CYP4A11: variants seen among roughly 807,000 people sequenced by gnomAD.
The protein encoded by CYP4A11 is cytochrome P450 4A11.
Under a neutral mutation model 57.7 loss-of-function variants are expected in CYP4A11, and 52 were observed. That is an observed-to-expected ratio of 0.90 (90% confidence interval 0.72 to 1.14). The LOEUF is 1.14. Ranked by LOEUF, CYP4A11 falls within the 50% of genes most tolerant of loss-of-function variation. The pLI is 0.00. For missense variants in CYP4A11, 641 were observed against 642.1 expected (o/e 1.00, Z 0.02); for synonymous variants, 228 against 247.1 (o/e 0.92, Z 0.72).
chr1:46,935,244 A>G, intron 5 of CYP4A11, 90 bp from the exon 6 acceptor site: 1 of 1,462,484 alleles, frequency 6.8e-7, no homozygotes, highest in Non-Finnish European at 9.3e-7. Flanking sequence ...GCCTCGGATA[A>G]TGGGGACAAG....
At chr1:46,933,781 G>T in intron 9 of CYP4A11, 165 bp downstream of exon 9, 2 of 1,244,632 alleles carry the variant, frequency 1.6e-6, no homozygotes, top group Non-Finnish European at 2.2e-6. Context: ...CAAGCTCTCA[G>T]CCAGACTTTT....
intron 1 of CYP4A11, chr1:46,940,901 A>C (rs1331573283): frequency 1.0e-6 from 1 of 985,276 alleles, no homozygotes; most frequent in Non-Finnish European, 1.2e-6. Context: ...GGCAGAGAGC[A>C]TCTAGAAGCC....
chr1:46,937,915 T>C, intron 2 of CYP4A11, 81 bp downstream of exon 2: 1 of 1,580,210 alleles, frequency 6.3e-7, no homozygotes, highest in Non-Finnish European at 8.6e-7. Flanking sequence ...GAACAGCCAC[T>C]CTCTTCTGGA....
chr1:46,935,087 C>T lies in CYP4A11; in HGVS notation c.703G>A (p.Ala235Thr), dbSNP rs1417048390. Residue 235 changes from alanine (A) to threonine (T), a missense_variant, in exon 6 of 12, where the codon GCC (alanine) becomes ACC (threonine). Transcript: ENST00000310638. ...NNLVFSRVRN[A>T]FHQNDTIYSL... ...TAGATGGTGTCATTCTGGTGAAAGG[C>T]ATTCCTCACACGGGAAAAAACCAGG... 1.2e-6 allele frequency: 2 copies of T among 1,614,170 alleles called. No individual in the cohort carries two copies. The highest frequency in any genetic ancestry group is 2.2e-5 in the South Asian group (2 of 91,086).
At chr1:46,939,176 G>A (rs1681600230) in intron 1 of CYP4A11, among the ~76,000 whole-genome samples, 1 of 152,182 alleles carries the variant, frequency 6.6e-6, no homozygotes, top group African/African-American at 2.4e-5. Context: ...CAAAGCAACT[G>A]TCTACCACAT....
Position 46,936,861 on chromosome 1 carries a change from C to T in CYP4A11, c.383-70G>A, listed in dbSNP as rs866288795. The T allele has an allele frequency of 5.5e-5, 84 of 1,519,648 alleles. No homozygotes were observed. The Middle Eastern group carries it at 1.6e-3, about 29-fold the overall frequency. The allele number at this position is 1,519,648 out of a possible 1,614,324, so 94.1% of individuals were successfully genotyped here. ...TGTGTGTGTCAGGGGCTGCAAGGAG[C>T]TAGGGATGACTGGTGACAATTTGGG... On this transcript the variant is annotated intron_variant, in intron 3 of 11. Coordinates refer to ENST00000310638, the MANE Select transcript of CYP4A11 (RefSeq NM_000778.4).
Position 46,933,965 on chromosome 1 carries a change from A to C in CYP4A11, c.1203T>G (p.Asp401Glu), listed in dbSNP as rs1168855507. Residue 401 changes from aspartate to glutamate, a missense_variant, in exon 9 of 12, where the codon GAT (aspartate) becomes GAG (glutamate). By Grantham distance (45) the Asp-to-Glu change is conservative. Transcript: ENST00000310638. ...TCATACCTTTGGGCAAGGAGCGCCC[A>C]TCAGGGAAGGTGACGGGAGTGCTGA... ...RELSTPVTFP[D>E]GRSLPKGIMV... 6.2e-7 allele frequency: 1 copy of C among 1,614,038 alleles called. No homozygotes were observed. Among genetic ancestry groups the C allele is most frequent in the Non-Finnish European group, 8.5e-7 (1 of 1,180,040 alleles).
intron 3 of CYP4A11, 24 bp from the exon 4 acceptor site, chr1:46,936,815 TTGTGTG>T (rs35456301): frequency 0.061 from 63,440 of 1,038,360 alleles, 5 homozygotes; most frequent in South Asian, 0.14. Context: ...GAATGTGTGT[TTGTGTG>T]TGTGTGTGTG....
At chr1:46,930,850 G>A (rs1680979611) in intron 11 of CYP4A11, among the ~76,000 whole-genome samples, 2 of 152,140 alleles carry the variant, frequency 1.3e-5, no homozygotes, top group East Asian at 3.9e-4. Context: ...GTGATCCTCA[G>A]TGTTGCCCCA....
At chr1:46,931,958 C>G in intron 11 of CYP4A11, 1 of 984,756 alleles carries the variant, frequency 1.0e-6, no homozygotes. Context: ...CAGGAGGCTT[C>G]AAATGTTGTG....
chr1:46,931,567 T>A, intron 11 of CYP4A11: 1 of 718,430 alleles, frequency 1.4e-6, no homozygotes, highest in East Asian at 1.3e-4. Context: ...TATAATGAAA[T>A]ACACTGAGAG....
chr1:46,930,276 G>A lies in CYP4A11; in HGVS notation c.1399C>T (p.Leu467=). 1 of 1,613,764 alleles carries A rather than the reference G, an allele frequency of 6.2e-7. No homozygotes were observed. Among genetic ancestry groups the A allele is most frequent in the Admixed American group, 1.7e-5 (1 of 59,946 alleles). The change falls in exon 12 of 12, where the codon CTG becomes TTG. Residue 467 remains leucine (L), a synonymous_variant. Coordinates refer to ENST00000310638, the MANE Select transcript of CYP4A11 (RefSeq NM_000778.4). ...CIGKQFAMNE[L]KVATALTLLR... ...AGGGTCAGGGCCGTGGCCACCTTCA[G>A]CTCGTTCATGGCAAATTGTTTCCCG...
At chr1:46,933,827 A>AT (rs919177115) in intron 9 of CYP4A11, 119 bp downstream of exon 9, 11 of 1,456,518 alleles carry the variant, frequency 7.6e-6, no homozygotes, top group South Asian at 1.4e-5. Context: ...TATGTTTTTG[A>AT]TTTTTTTAGA....
At chr1:46,930,481 C>A (rs1188141925) in intron 11 of CYP4A11, among the ~76,000 whole-genome samples, 171 bp from the exon 12 acceptor site, 1 of 152,196 alleles carries the variant, frequency 6.6e-6, no homozygotes, top group Admixed American at 6.5e-5. Flanking sequence ...CCTGGCTTCA[C>A]ACTATCCCAA....
chr1:46,933,839 C>G, intron 9 of CYP4A11, 107 bp downstream of exon 9: 10 of 1,497,732 alleles, frequency 6.7e-6, no homozygotes, highest in Middle Eastern at 4.0e-4. Flanking sequence ...TTTTTTAGAA[C>G]AAAAGGGAGA....
chr1:46,937,424 T>C (rs1681480060), intron 2 of CYP4A11, 78 bp from the exon 3 acceptor site: 9 of 1,493,870 alleles, frequency 6.0e-6, no homozygotes, highest in Non-Finnish European at 7.4e-6. Flanking sequence ...CAATTCTTGG[T>C]GTCTGTCAGT....
At chr1:46,934,882 A>G in intron 6 of CYP4A11, 118 bp downstream of exon 6, 1 of 1,498,456 alleles carries the variant, frequency 6.7e-7, no homozygotes, top group South Asian at 1.3e-5. Flanking sequence ...GGAATTCCCC[A>G]GGCTGAGTGT....
chr1:46,935,242 T>C, intron 5 of CYP4A11, 88 bp from the exon 6 acceptor site: 1 of 1,469,880 alleles, frequency 6.8e-7, no homozygotes, highest in Non-Finnish European at 9.3e-7. Flanking sequence ...CAGCCTCGGA[T>C]AATGGGGACA....
At chr1:46,932,305 C>A in intron 11 of CYP4A11, 4 of 1,017,660 alleles carry the variant, frequency 3.9e-6, no homozygotes, top group Non-Finnish European at 4.7e-6. Context: ...TTCAATGATT[C>A]ATCTCTACGA....
Sources: gnomAD v4.1 joint callset for allele counts (sites outside exome capture counted in the v4.1 genomes callset) on GRCh38, gnomAD v4.1.1 for gene constraint, MANE v1.5 for transcripts, NCBI Gene and HGNC (gene_info 2026-07-23, HGNC 2026-07-21) for gene names.